PRKG1: variants seen among roughly 807,000 people sequenced by gnomAD.
PRKG1 encodes the protein protein kinase cGMP-dependent 1.
PRKG1 carries 35 observed loss-of-function variants against 88.1 expected under a neutral mutation model. The ratio of observed to expected loss-of-function variants is 0.40; its 90% CI spans 0.30 to 0.53. The LOEUF (loss-of-function observed/expected upper bound fraction) is 0.53, where lower values mean the gene tolerates loss of function less well. PRKG1 is among the 20% of genes least tolerant of loss of function. The pLI, the probability that PRKG1 is intolerant of heterozygous loss-of-function variation, is 0.59. For synonymous variants in PRKG1, 303 were observed against 292.5 expected (o/e 1.04, Z -0.37); for missense variants, 540 against 839.8 (o/e 0.64, Z 4.41).
upstream of PRKG1, among the ~76,000 whole-genome samples, chr10:51,073,595 G>A (rs1160871137): frequency 6.6e-6 from 1 of 152,116 alleles, no homozygotes; most frequent in Admixed American, 6.5e-5. Flanking sequence ...ACCTGCTAGG[G>A]CCCAAATCCG....
rs938590603 is a variant in PRKG1 at position 51,447,255 on chromosome 10, G to C, written c.479-20468G>C. 9.2e-5 allele frequency among the ~76,000 whole-genome samples: 14 copies of C among 152,020 alleles called. 1 individual carries two copies. The highest frequency in any genetic ancestry group is 3.4e-3 in the Middle Eastern group (1 of 294). On this transcript the variant is annotated intron_variant, in intron 2 of 17. Coordinates refer to ENST00000373980, the MANE Select transcript of PRKG1 (RefSeq NM_006258.4). ...CCTTTGGGATTTAGAGAGCATACCA[G>C]GGATTGCAAATCTAATGGTAACTGA... is the stretch of plus-strand genomic sequence containing the variant.
At chr10:51,755,704 T>C (rs1295818891) in intron 3 of PRKG1, among the ~76,000 whole-genome samples, 1 of 152,252 alleles carries the variant, frequency 6.6e-6, no homozygotes, top group Non-Finnish European at 1.5e-5. Flanking sequence ...GCATTCTGTA[T>C]TGCAGACTGA....
At chr10:52,011,520 C>T (rs1396411860) in intron 5 of PRKG1, among the ~76,000 whole-genome samples, 1 of 152,128 alleles carries the variant, frequency 6.6e-6, no homozygotes, top group Non-Finnish European at 1.5e-5. Flanking sequence ...ATTTATTTCC[C>T]CCAACATATA....
chr10:52,053,038 A>G (rs1466742970), intron 5 of PRKG1, among the ~76,000 whole-genome samples: 2 of 152,198 alleles, frequency 1.3e-5, no homozygotes, highest in African/African-American at 4.8e-5. Context: ...ATATCTTGTT[A>G]AATGAAATAA....
chr10:52,224,612 C>T (rs1174222099), intron 9 of PRKG1, among the ~76,000 whole-genome samples: 3 of 124,718 alleles, frequency 2.4e-5, no homozygotes, highest in Non-Finnish European at 1.7e-5. Flanking sequence ...ACTCTTCCCC[C>T]CAAGTCCCCA....
At chr10:51,431,730 C>T (rs1325563935) in intron 2 of PRKG1, among the ~76,000 whole-genome samples, 1 of 151,994 alleles carries the variant, frequency 6.6e-6, no homozygotes, top group Non-Finnish European at 1.5e-5. Flanking sequence ...AATAGTTTCC[C>T]AATAAACAAA....
chr10:51,425,888 C>T (rs1415362708), intron 2 of PRKG1, among the ~76,000 whole-genome samples: 3 of 152,200 alleles, frequency 2.0e-5, no homozygotes. Context: ...TTTTTCATGG[C>T]AATTCCGTAG....
chr10:51,695,240 A>AT (rs1718636453), intron 3 of PRKG1, among the ~76,000 whole-genome samples: 1 of 152,204 alleles, frequency 6.6e-6, no homozygotes, highest in African/African-American at 2.4e-5. Context: ...TCTGGGGAAC[A>AT]TAAGCTTAAT....
At chr10:51,262,861 C>T (rs1277035771) in intron 2 of PRKG1, among the ~76,000 whole-genome samples, 1 of 152,154 alleles carries the variant, frequency 6.6e-6, no homozygotes, top group Non-Finnish European at 1.5e-5. Flanking sequence ...CAATCTGGCC[C>T]CATGATCCAA....
At chr10:52,239,327 AAAAT>A (rs1344207405) in intron 9 of PRKG1, among the ~76,000 whole-genome samples, 140 of 124,108 alleles carry the variant, frequency 1.1e-3, no homozygotes, top group South Asian at 3.0e-3. Flanking sequence ...ATAATAAAAA[AAAAT>A]AAATAAATAA....
rs546947669 is a variant in PRKG1, at chr10:51,425,624, T to C, written c.479-42099T>C. 1.9e-4 allele frequency among the ~76,000 whole-genome samples: 29 copies of C among 152,274 alleles called. 1 individual carries two copies. In the South Asian group the frequency reaches 5.4e-3, roughly 28 times the overall value. On this transcript the variant is annotated intron_variant, in intron 2 of 17. Transcript: ENST00000373980. ...TGGGGTTCATTAGAGTCTGGTACGATGACAACAGACTGGGAAGCAGCTGTA... is the reference window on the plus strand; with the variant it reads ...TGGGGTTCATTAGAGTCTGGTACGACGACAACAGACTGGGAAGCAGCTGTA...
chr10:51,446,970 G>A (rs1839291185), intron 2 of PRKG1, among the ~76,000 whole-genome samples: 1 of 152,008 alleles, frequency 6.6e-6, no homozygotes, highest in South Asian at 2.1e-4. Context: ...TTACAGTAAA[G>A]TAGTACACAT....
chr10:52,251,595 G>A lies in PRKG1; in HGVS notation c.1102G>A (p.Ala368Thr), dbSNP rs755634503. ...ATATGAAGCTGAAGCGGCTTTCTTC[G>A]CCAACCTGAAGCTGTCTGATTTCAA... ...AKYEAEAAFF[A>T]NLKLSDFNII... is the part of the protein sequence containing the mutation. The change falls in exon 10 of 18, where the codon GCC becomes ACC. Residue 368 changes from alanine (A) to threonine (T), a missense_variant. By Grantham distance (58) the Ala-to-Thr change is moderately conservative (BLOSUM62 0). Around this residue, in one of 5 missense-constraint regions of PRKG1, gnomAD observed 400 missense variants for 562.7 expected, o/e 0.71. Coordinates refer to ENST00000373980, the MANE Select transcript of PRKG1 (RefSeq NM_006258.4). 4.5e-5 allele frequency: 72 copies of A among 1,613,306 alleles called. No homozygotes were observed. The highest frequency in any genetic ancestry group is 5.8e-5 in the Non-Finnish European group (69 of 1,179,602).
chr10:51,753,646 G>A (rs141350248), intron 3 of PRKG1, among the ~76,000 whole-genome samples: 3 of 152,182 alleles, frequency 2.0e-5, no homozygotes, highest in African/African-American at 7.2e-5. Flanking sequence ...TTCATAGTAA[G>A]CCTTTAATAA....
intron 8 of PRKG1, among the ~76,000 whole-genome samples, chr10:52,143,144 A>G (rs1324703646): frequency 6.6e-6 from 1 of 152,198 alleles, no homozygotes; most frequent in Non-Finnish European, 1.5e-5. Context: ...AATAGCAGCT[A>G]TAAGGAGTAT....
At chr10:52,099,068 T>C (rs888438472) in intron 7 of PRKG1, among the ~76,000 whole-genome samples, 1 of 152,182 alleles carries the variant, frequency 6.6e-6, no homozygotes, top group Non-Finnish European at 1.5e-5. Flanking sequence ...AGGGATGACA[T>C]GGTAAGAAAA....
chr10:51,663,490 A>G (rs1840347965), intron 3 of PRKG1, among the ~76,000 whole-genome samples: 1 of 151,974 alleles, frequency 6.6e-6, no homozygotes, highest in Non-Finnish European at 1.5e-5. Flanking sequence ...GTCTTGCTTC[A>G]GGTCAGTAGT....
At chr10:51,674,529 T>C (rs2132355045) in intron 3 of PRKG1, among the ~76,000 whole-genome samples, 1 of 152,352 alleles carries the variant, frequency 6.6e-6, no homozygotes, top group African/African-American at 2.4e-5. Context: ...TATCATTTCA[T>C]AAACAAGAAA....
chr10:51,913,721 T>C (rs1842276622), intron 5 of PRKG1, among the ~76,000 whole-genome samples: 1 of 152,204 alleles, frequency 6.6e-6, no homozygotes, highest in Non-Finnish European at 1.5e-5. Context: ...TTCACTGTTA[T>C]TGTCACTGTA....
Sources: allele counts gnomAD v4.1 joint callset (sites outside exome capture counted in the v4.1 genomes callset), GRCh38; gene constraint gnomAD v4.1.1; regional missense constraint gnomAD v4.1.1; transcripts MANE v1.5; gene names NCBI Gene and HGNC (gene_info 2026-07-23, HGNC 2026-07-21).